The following H4C3 variants were observed in gnomAD, a reference collection of about 807,000 sequenced individuals.
The protein encoded by H4C3 is H4 clustered histone 3.
H4C3 carries 10 observed loss-of-function variants against 5.3 expected under a neutral mutation model. The observed-to-expected ratio is 1.87, with a 90% CI of 1.16 to 3.18. H4C3 has a LOEUF of 3.18. Among genes scored for constraint, H4C3 ranks in the 30% most tolerant of loss-of-function variants. The pLI is 0.00. For synonymous variants in H4C3, 133 were observed against 56.8 expected, an observed-to-expected ratio of 2.34 and a Z score of -6.03; for missense variants, 191 against 152.5, an observed-to-expected ratio of 1.25 and a Z score of -1.33.
In H4C3 at chr6:26,104,258, G is replaced by T; in HGVS notation, c.311G>T (p.Ter104LeuextTer2). 1 of 1,582,702 alleles carries T rather than the reference G, an allele frequency of 6.3e-7. No individual in the cohort carries two copies. Among genetic ancestry groups the T allele is most frequent in the Non-Finnish European group, 8.6e-7 (1 of 1,160,014 alleles). Residue 104 changes from the stop codon to leucine, a stop_lost, in exon 1 of 1, where the codon TGA (stop) becomes TTA (leucine). Coordinates refer to ENST00000377803, the MANE Select transcript of H4C3 (RefSeq NM_003542.4). ...CGCACTCTGTATGGCTTCGGCGGCT[G>T]AATCTAAGAATACGCGGTCTCCTGA... The part of the protein sequence containing the change: ...QGRTLYGFGG[*>L]
chr6:26,104,303 C>CA lies in H4C3; in HGVS notation c.*51dup. On this transcript the variant is annotated 3_prime_UTR_variant, in exon 1 of 1. Transcript: ENST00000377803. Reference sequence around the variant, plus strand: ...TCCTGAGAACTTCAAAAAACAAAAACAAAAAAACCCAAAGGCCCTTTTCAG... The same window carrying CA: ...TCCTGAGAACTTCAAAAAACAAAAACAAAAAAAACCCAAAGGCCCTTTTCAG... 4 of 1,510,234 alleles carry CA rather than the reference C, an allele frequency of 2.6e-6. No individual in the cohort carries two copies. The highest frequency in any genetic ancestry group is 1.3e-5 in the South Asian group (1 of 75,762). The allele number at this position is 1,510,234 out of a possible 1,614,324, so 93.6% of individuals were successfully genotyped here.
Position 26,104,237 on chromosome 6 carries a change from C to T in H4C3, c.290C>T (p.Thr97Ile). Reference protein sequence around the residue: ...VVYALKRQGRTLYGFGG With the variant: ...VVYALKRQGRILYGFGG ...TATGCCCTAAAACGTCAGGGGCGCA[C>T]TCTGTATGGCTTCGGCGGCTGAATC... Residue 97 changes from threonine to isoleucine, a missense_variant, in exon 1 of 1, where the codon ACT becomes ATT. Thr to Ile is a moderately conservative substitution (Grantham distance 89). Coordinates refer to ENST00000377803, the MANE Select transcript of H4C3 (RefSeq NM_003542.4). 1 of 1,599,150 alleles carries T rather than the reference C, an allele frequency of 6.3e-7. No homozygotes were observed.
chr6:26,104,108 A>G lies in H4C3; in HGVS notation c.161A>G (p.Glu54Gly). 2 of 1,614,122 alleles carry G rather than the reference A, an allele frequency of 1.2e-6. No homozygotes were observed. The highest frequency in any genetic ancestry group is 1.7e-6 in the Non-Finnish European group (2 of 1,180,024). ...VKRISGLIYE[E>G]TRGVLKVFLE... ...CGCATTTCCGGTCTTATCTATGAGGAGACTCGAGGTGTGCTTAAGGTTTTC... is the reference window on the plus strand; with the variant it reads ...CGCATTTCCGGTCTTATCTATGAGGGGACTCGAGGTGTGCTTAAGGTTTTC... The change falls in exon 1 of 1, where the codon GAG becomes GGG. Residue 54 changes from glutamate (E) to glycine (G), a missense_variant. By Grantham distance (98) the Glu-to-Gly change is moderately conservative (BLOSUM62 -2). Transcript: ENST00000377803.
rs1194329410 is a variant in H4C3, at chr6:26,104,223, A to G, written c.276A>G (p.Lys92=). Residue 92 remains lysine (K), a synonymous_variant, in exon 1 of 1, where the codon AAA becomes AAG. Transcript: ENST00000377803. ...CCATGGATGTAGTATATGCCCTAAA[A>G]CGTCAGGGGCGCACTCTGTATGGCT... ...VTAMDVVYAL[K]RQGRTLYGFG... The G allele has an allele frequency of 1.2e-6, 2 of 1,608,754 alleles. No homozygotes were observed. The highest frequency in any genetic ancestry group is 1.3e-5 in the African/African-American group (1 of 74,796).
At position 26,104,136 on chromosome 6, in the gene H4C3, A is replaced by T. The variant is rs374272109; in HGVS notation, c.189A>T (p.Leu63Phe). 6.2e-7 allele frequency: 1 copy of T among 1,614,054 alleles called. No homozygotes were observed. The highest frequency in any genetic ancestry group is 1.1e-5 in the South Asian group (1 of 91,080). ...EETRGVLKVF[L>F]ENVIRDAVTY... is the part of the protein sequence containing the mutation. Reference sequence around the variant, plus strand: ...CTCGAGGTGTGCTTAAGGTTTTCTTAGAGAACGTTATTCGAGACGCCGTCA... The same window carrying T: ...CTCGAGGTGTGCTTAAGGTTTTCTTTGAGAACGTTATTCGAGACGCCGTCA... Residue 63 changes from leucine (L) to phenylalanine (F), a missense_variant, in exon 1 of 1, where the codon TTA (leucine) becomes TTT (phenylalanine). Coordinates refer to ENST00000377803, the MANE Select transcript of H4C3 (RefSeq NM_003542.4).
In H4C3 at chr6:26,103,956, TCG is replaced by T. The variant is rs1763190508; in HGVS notation, c.12_13del (p.Gly5GlnfsTer12). The T allele has an allele frequency of 1.2e-6, 2 of 1,605,824 alleles. No homozygotes were observed. The highest frequency in any genetic ancestry group is 1.7e-5 in the Admixed American group (1 of 59,668). On this transcript the variant is annotated frameshift_variant, in exon 1 of 1. Transcript: ENST00000377803. LOFTEE classifies it high-confidence loss of function. MSGRGKGGKGLGKG... is the reference protein window; with the variant it reads MSGXGKGGKGLGKG... ...CCACTGCGATAGGAATCATGTCTGG[TCG>T]CGGCAAAGGCGGAAAAGGCTTGGGG...
rs1205348791 is a variant in H4C3, at chr6:26,104,303, C to A, written c.*44C>A. On this transcript the variant is annotated 3_prime_UTR_variant, in exon 1 of 1. Coordinates refer to ENST00000377803, the MANE Select transcript of H4C3 (RefSeq NM_003542.4). The stretch of plus-strand genomic sequence containing the variant: ...TCCTGAGAACTTCAAAAAACAAAAA[C>A]AAAAAAACCCAAAGGCCCTTTTCAG... 3.3e-6 allele frequency: 5 copies of A among 1,510,222 alleles called. No homozygotes were observed. Among genetic ancestry groups the A allele is most frequent in the African/African-American group, 1.4e-5 (1 of 71,334 alleles). The allele number at this position is 1,510,222 out of a possible 1,614,324, so 93.6% of individuals were successfully genotyped here.
At position 26,104,046 on chromosome 6, in the gene H4C3, G is replaced by A. The variant is rs781503661; in HGVS notation, c.99G>A (p.Pro33=). 3.7e-6 allele frequency: 6 copies of A among 1,614,052 alleles called. No individual in the cohort carries two copies. The highest frequency in any genetic ancestry group is 5.1e-6 in the Non-Finnish European group (6 of 1,180,034). The change falls in exon 1 of 1, where the codon CCG becomes CCA. Residue 33 remains proline (P), a synonymous_variant. Transcript: ENST00000377803. ...LRDNIQGITK[P]AIRRLARRGG... ...ATAACATCCAGGGCATTACAAAACC[G>A]GCTATTCGCCGTTTGGCTCGGCGCG...
In H4C3 at chr6:26,103,938, G is replaced by A. The variant is rs369373723; in HGVS notation, c.-10G>A. ...TGTTTCAGTTCATACCTTCCACTGC[G>A]ATAGGAATCATGTCTGGTCGCGGCA... is the stretch of plus-strand genomic sequence containing the variant. On this transcript the variant is annotated 5_prime_UTR_variant, in exon 1 of 1. Transcript: ENST00000377803. 1.3e-4 allele frequency: 214 copies of A among 1,595,538 alleles called. No homozygotes were observed. The highest frequency in any genetic ancestry group is 1.7e-4 in the Non-Finnish European group (201 of 1,167,048).
Position 26,104,026 on chromosome 6 carries a change from A to C in H4C3, c.79A>C (p.Ile27Leu). 6.2e-7 allele frequency: 1 copy of C among 1,614,160 alleles called. No individual in the cohort carries two copies. The highest frequency in any genetic ancestry group is 8.5e-7 in the Non-Finnish European group (1 of 1,180,020). ...CCATCGTAAGGTGCTCCGGGATAAC[A>C]TCCAGGGCATTACAAAACCGGCTAT... Reference protein sequence around the residue: ...KRHRKVLRDNIQGITKPAIRR... With the variant: ...KRHRKVLRDNLQGITKPAIRR... The change falls in exon 1 of 1, where the codon ATC (isoleucine) becomes CTC (leucine). Residue 27 changes from isoleucine (I) to leucine (L), a missense_variant. Ile to Leu is a conservative substitution (Grantham distance 5, BLOSUM62 2). Coordinates refer to ENST00000377803, the MANE Select transcript of H4C3 (RefSeq NM_003542.4).
At position 26,103,941 on chromosome 6, in the gene H4C3, A is replaced by G. The variant is rs755585231; in HGVS notation, c.-7A>G. ...TTCAGTTCATACCTTCCACTGCGAT[A>G]GGAATCATGTCTGGTCGCGGCAAAG... is the stretch of plus-strand genomic sequence containing the variant. On this transcript the variant is annotated 5_prime_UTR_variant, in exon 1 of 1. The change creates a new upstream start codon in the 5' untranslated region. Coordinates refer to ENST00000377803, the MANE Select transcript of H4C3 (RefSeq NM_003542.4). 6.3e-7 allele frequency: 1 copy of G among 1,596,666 alleles called. No homozygotes were observed. The highest frequency in any genetic ancestry group is 8.6e-7 in the Non-Finnish European group (1 of 1,167,712).
At position 26,104,184 on chromosome 6, in the gene H4C3, C is replaced by T; in HGVS notation, c.237C>T (p.Arg79=). 1 of 1,614,078 alleles carries T rather than the reference C, an allele frequency of 6.2e-7. No homozygotes were observed. Among genetic ancestry groups the T allele is most frequent in the East Asian group, 2.2e-5 (1 of 44,882 alleles). The change falls in exon 1 of 1, where the codon CGC becomes CGT. Residue 79 remains arginine (R), a synonymous_variant. Transcript: ENST00000377803. ...TCACCTATACGGAGCACGCCAAGCG[C>T]AAAACTGTCACAGCCATGGATGTAG... ...DAVTYTEHAK[R]KTVTAMDVVY... is the part of the protein sequence containing the mutation.
At position 26,104,308 on chromosome 6, in the gene H4C3, AAAC is replaced by A; in HGVS notation, c.*50_*52del. Reference sequence around the variant, plus strand: ...AGAACTTCAAAAAACAAAAACAAAAAAACCCAAAGGCCCTTTTCAGGGCCGCTC... The same window carrying A: ...AGAACTTCAAAAAACAAAAACAAAAACCAAAGGCCCTTTTCAGGGCCGCTC... On this transcript the variant is annotated 3_prime_UTR_variant, in exon 1 of 1. Transcript: ENST00000377803. 6.6e-7 allele frequency: 1 copy of A among 1,504,570 alleles called. No homozygotes were observed. The highest frequency in any genetic ancestry group is 2.3e-5 in the East Asian group (1 of 43,756). 93.2% of individuals were successfully genotyped at this position (1,504,570 alleles called of 1,614,324 possible).
chr6:26,104,173 C>T lies in H4C3; in HGVS notation c.226C>T (p.His76Tyr). ...VIRDAVTYTE[H>Y]AKRKTVTAMD... Reference sequence around the variant, plus strand: ...TCGAGACGCCGTCACCTATACGGAGCACGCCAAGCGCAAAACTGTCACAGC... The same window carrying T: ...TCGAGACGCCGTCACCTATACGGAGTACGCCAAGCGCAAAACTGTCACAGC... Residue 76 changes from histidine to tyrosine, a missense_variant, in exon 1 of 1, where the codon CAC becomes TAC. His to Tyr is a moderately conservative substitution (Grantham distance 83, BLOSUM62 2). Transcript: ENST00000377803. 6.2e-7 allele frequency: 1 copy of T among 1,614,120 alleles called. No homozygotes were observed. Among genetic ancestry groups the T allele is most frequent in the Non-Finnish European group, 8.5e-7 (1 of 1,180,018 alleles).
At position 26,104,035 on chromosome 6, in the gene H4C3, A is replaced by G. The variant is rs763949586; in HGVS notation, c.88A>G (p.Ile30Val). Reference protein sequence around the residue: ...RKVLRDNIQGITKPAIRRLAR... With the variant: ...RKVLRDNIQGVTKPAIRRLAR... The stretch of plus-strand genomic sequence containing the variant: ...GGTGCTCCGGGATAACATCCAGGGC[A>G]TTACAAAACCGGCTATTCGCCGTTT... The change falls in exon 1 of 1, where the codon ATT (isoleucine) becomes GTT (valine). Residue 30 changes from isoleucine to valine, a missense_variant. Coordinates refer to ENST00000377803, the MANE Select transcript of H4C3 (RefSeq NM_003542.4). 2.5e-6 allele frequency: 4 copies of G among 1,614,096 alleles called. No homozygotes were observed. Among genetic ancestry groups the G allele is most frequent in the Non-Finnish European group, 2.5e-6 (3 of 1,180,050 alleles).
chr6:26,103,962 C>T lies in H4C3; in HGVS notation c.15C>T (p.Gly5=), dbSNP rs1282470510. 1.3e-5 allele frequency: 21 copies of T among 1,607,416 alleles called. 1 individual carries two copies. Among genetic ancestry groups the T allele is most frequent in the South Asian group, 5.5e-5 (5 of 90,798 alleles). The change falls in exon 1 of 1, where the codon GGC becomes GGT. Residue 5 remains glycine (G), a synonymous_variant. Coordinates refer to ENST00000377803, the MANE Select transcript of H4C3 (RefSeq NM_003542.4). The part of the protein sequence containing the change: MSGR[G]KGGKGLGKGG... ...CGATAGGAATCATGTCTGGTCGCGG[C>T]AAAGGCGGAAAAGGCTTGGGGAAGG...
rs1427157444 is a variant in H4C3, at chr6:26,104,249, TC to T, written c.303del (p.Phe101LeufsTer?). On this transcript the variant is annotated frameshift_variant, in exon 1 of 1. Transcript: ENST00000377803. LOFTEE classifies it high-confidence loss of function. ...LKRQGRTLYG[F>X]GG ...CGTCAGGGGCGCACTCTGTATGGCT[TC>T]GGCGGCTGAATCTAAGAATACGCGG... 3 of 1,589,772 alleles carry T rather than the reference TC, an allele frequency of 1.9e-6. No homozygotes were observed.
chr6:26,104,141 A>C lies in H4C3; in HGVS notation c.194A>C (p.Asn65Thr). The stretch of plus-strand genomic sequence containing the variant: ...GGTGTGCTTAAGGTTTTCTTAGAGA[A>C]CGTTATTCGAGACGCCGTCACCTAT... ...TRGVLKVFLE[N>T]VIRDAVTYTE... Residue 65 changes from asparagine to threonine, a missense_variant, in exon 1 of 1, where the codon AAC (asparagine) becomes ACC (threonine). Coordinates refer to ENST00000377803, the MANE Select transcript of H4C3 (RefSeq NM_003542.4). 2 of 1,614,098 alleles carry C rather than the reference A, an allele frequency of 1.2e-6. No individual in the cohort carries two copies. The highest frequency in any genetic ancestry group is 1.7e-6 in the Non-Finnish European group (2 of 1,180,016).
At position 26,104,063 on chromosome 6, in the gene H4C3, C is replaced by T. The variant is rs749731572; in HGVS notation, c.116C>T (p.Ala39Val). The change falls in exon 1 of 1, where the codon GCT (alanine) becomes GTT (valine). Residue 39 changes from alanine (A) to valine (V), a missense_variant. Physicochemically the swap from Ala to Val is moderately conservative, Grantham distance 64. Transcript: ENST00000377803. ...GITKPAIRRL[A>V]RRGGVKRISG... ...ACAAAACCGGCTATTCGCCGTTTGG[C>T]TCGGCGCGGTGGCGTCAAGCGCATT... is the stretch of plus-strand genomic sequence containing the variant. 8 of 1,614,072 alleles carry T rather than the reference C, an allele frequency of 5.0e-6. No individual in the cohort carries two copies. In the Admixed American group the frequency reaches 6.7e-5, roughly 13 times the overall value.
Sources: allele counts gnomAD v4.1 joint callset, GRCh38; gene constraint gnomAD v4.1.1; transcripts MANE v1.5; gene names NCBI Gene and HGNC (gene_info 2026-07-23, HGNC 2026-07-21).